Variants in RALYL observed in about 807,000 individuals in gnomAD.
RALYL encodes RALY RNA binding protein like, also known as RNA-binding Raly-like protein.
RALYL carries 29 observed loss-of-function variants against 35.1 expected under a neutral mutation model. That is an observed-to-expected ratio of 0.83 (90% CI 0.61 to 1.13). The LOEUF (loss-of-function observed/expected upper bound fraction) is 1.13, where lower values mean the gene tolerates loss of function less well. Ranked by LOEUF, RALYL falls within the 50% of genes most tolerant of loss-of-function variation. RALYL has a pLI of 0.00. For missense variants in RALYL, 359 were observed against 360.4 expected, an observed-to-expected ratio of 1.00 and a Z score of 0.03; for synonymous variants, 120 against 127.6, an observed-to-expected ratio of 0.94 and a Z score of 0.40.
chr8:84,352,021 C>A lies in RALYL; in HGVS notation c.-24+167597C>A, dbSNP rs937149173. On this transcript the variant is annotated intron_variant, in intron 1 of 8. Transcript: ENST00000521268. ...ATATGTGTGTAAACCTGAATCTTAC[C>A]CCACATTGGAGACGAAGCTGCAGAG... Among the ~76,000 whole-genome samples the A allele has an allele frequency of 2.0e-5, 3 of 150,088 alleles. 1 individual carries two copies. Among genetic ancestry groups the A allele is most frequent in the Non-Finnish European group, 4.4e-5 (3 of 67,654 alleles).
At chr8:84,592,627 A>G (rs1813546368) in intron 2 of RALYL, among the ~76,000 whole-genome samples, 1 of 152,144 alleles carries the variant, frequency 6.6e-6, no homozygotes, top group Non-Finnish European at 1.5e-5. Context: ...AAGCTAATTA[A>G]TGCATACCAA....
chr8:84,510,302 T>C (rs2057504877), intron 1 of RALYL, among the ~76,000 whole-genome samples: 1 of 152,204 alleles, frequency 6.6e-6, no homozygotes, highest in Non-Finnish European at 1.5e-5. Flanking sequence ...AATACTGTAT[T>C]TTTAATTTCA....
chr8:84,193,849 A>G (rs1455603481), intron 1 of RALYL, among the ~76,000 whole-genome samples: 1 of 152,178 alleles, frequency 6.6e-6, no homozygotes, highest in African/African-American at 2.4e-5. Context: ...AAAGGCATCC[A>G]CTTTGTGTAA....
At chr8:84,853,387 G>A (rs879609385) in intron 5 of RALYL, among the ~76,000 whole-genome samples, 1 of 152,216 alleles carries the variant, frequency 6.6e-6, no homozygotes, top group Non-Finnish European at 1.5e-5. Context: ...GATGGAGATA[G>A]ATCGACAGAT....
At chr8:84,871,043 G>A (rs1453864272) in intron 6 of RALYL, among the ~76,000 whole-genome samples, 1 of 152,158 alleles carries the variant, frequency 6.6e-6, no homozygotes, top group East Asian at 1.9e-4. Flanking sequence ...TAGGGTTAGA[G>A]GCTCACTTTA....
chr8:84,493,351 A>C (rs1461481027), intron 1 of RALYL, among the ~76,000 whole-genome samples: 1 of 152,036 alleles, frequency 6.6e-6, no homozygotes, highest in Non-Finnish European at 1.5e-5. Context: ...TGTCTTTGCT[A>C]TTGCGAATAT....
chr8:84,305,070 T>A (rs911708473), intron 1 of RALYL, among the ~76,000 whole-genome samples: 5 of 152,178 alleles, frequency 3.3e-5, no homozygotes, highest in African/African-American at 1.2e-4. Context: ...AATGAGATGA[T>A]AAAATAGAAT....
At chr8:84,727,720 G>A (rs1178211782) in intron 2 of RALYL, among the ~76,000 whole-genome samples, 47 of 149,082 alleles carry the variant, frequency 3.2e-4, no homozygotes, top group South Asian at 6.3e-4. Flanking sequence ...AGAATATGCC[G>A]TGTTTGGTTT....
intron 2 of RALYL, among the ~76,000 whole-genome samples, chr8:84,740,415 T>C (rs1420970416): frequency 2.0e-5 from 3 of 152,074 alleles, no homozygotes; most frequent in Non-Finnish European, 4.4e-5. Context: ...GAAGAGATTA[T>C]ACAATAAAGC....
intron 3 of RALYL, among the ~76,000 whole-genome samples, chr8:84,787,679 A>G (rs1819865069): frequency 6.6e-6 from 1 of 152,174 alleles, no homozygotes; most frequent in African/African-American, 2.4e-5. Flanking sequence ...CCTCTCCAGT[A>G]TCTGTTGTTT....
At chr8:84,537,771 T>C (rs908075717) in intron 2 of RALYL, among the ~76,000 whole-genome samples, 1 of 152,224 alleles carries the variant, frequency 6.6e-6, no homozygotes, top group African/African-American at 2.4e-5. Flanking sequence ...AGATAGTAGA[T>C]TTAATTAAAC....
rs541010081 is a variant in RALYL at position 84,603,932 on chromosome 8, G to T, written c.256+74355G>T. On this transcript the variant is annotated intron_variant, in intron 2 of 8. Transcript: ENST00000521268. ...TGGACCCTTTTATCAGGTTTTTTTT[G>T]TTTGTTTGTTTGTTTGTTTTTAATA... Among the ~76,000 whole-genome samples, 232 of 151,436 alleles carry T rather than the reference G, an allele frequency of 1.5e-3. 2 individuals carry two copies. The highest frequency in any genetic ancestry group is 6.0e-3 in the East Asian group (31 of 5,146).
At chr8:84,899,751 C>T (rs1303201137) in intron 8 of RALYL, among the ~76,000 whole-genome samples, 1 of 152,062 alleles carries the variant, frequency 6.6e-6, no homozygotes, top group East Asian at 1.9e-4. Flanking sequence ...TATTGTCTCC[C>T]ACGAGTGATA....
At chr8:84,670,779 A>G (rs1193019072) in intron 2 of RALYL, among the ~76,000 whole-genome samples, 1 of 152,192 alleles carries the variant, frequency 6.6e-6, no homozygotes, top group Non-Finnish European at 1.5e-5. Flanking sequence ...ATTAGGGATT[A>G]TGGGAGCTAT....
intron 1 of RALYL, among the ~76,000 whole-genome samples, chr8:84,205,526 A>T (rs1332618966): frequency 6.6e-6 from 1 of 152,206 alleles, no homozygotes; most frequent in Non-Finnish European, 1.5e-5. Context: ...AAGCCACTGT[A>T]GCTATTTTAC....
At chr8:84,325,921 A>G (rs1382383963) in intron 1 of RALYL, among the ~76,000 whole-genome samples, 1 of 152,020 alleles carries the variant, frequency 6.6e-6, no homozygotes, top group African/African-American at 2.4e-5. Flanking sequence ...CTTGAGCTCA[A>G]GAGTTTGAGA....
chr8:84,580,316 C>T (rs1810525121), intron 2 of RALYL, among the ~76,000 whole-genome samples: 1 of 152,136 alleles, frequency 6.6e-6, no homozygotes, highest in African/African-American at 2.4e-5. Context: ...AAAACTTATA[C>T]ATGAAGGAGG....
At chr8:84,806,745 T>G (rs962646497) in intron 4 of RALYL, among the ~76,000 whole-genome samples, 1 of 152,194 alleles carries the variant, frequency 6.6e-6, no homozygotes, top group African/African-American at 2.4e-5. Context: ...AAGAAAATTA[T>G]TTTAAATAAG....
intron 1 of RALYL, among the ~76,000 whole-genome samples, chr8:84,323,388 G>A (rs1845227905): frequency 6.6e-6 from 1 of 151,946 alleles, no homozygotes; most frequent in Non-Finnish European, 1.5e-5. Context: ...GCTATAAAAA[G>A]CATTTCCAAT....
Sources: allele counts gnomAD v4.1 joint callset (sites outside exome capture counted in the v4.1 genomes callset), GRCh38; gene constraint gnomAD v4.1.1; transcripts MANE v1.5; gene names NCBI Gene and HGNC (gene_info 2026-07-23, HGNC 2026-07-21).